ZNF280D: variants seen among roughly 807,000 people sequenced by gnomAD.
ZNF280D encodes suppressor of hairy wing homolog 4.
Under a neutral mutation model 94.7 loss-of-function variants are expected in ZNF280D, and 39 were observed. The observed-to-expected ratio is 0.41, with a 90% confidence interval of 0.32 to 0.54. The LOEUF is 0.54. ZNF280D is among the 20% of genes least tolerant of loss of function. The probability of loss-of-function intolerance (pLI) is 0.22; values close to 1 mark genes in which losing one functional copy is unlikely to be tolerated. For missense variants in ZNF280D, 1,090 were observed against 1,149.3 expected (o/e 0.95, Z 0.75); for synonymous variants, 398 against 377.6 (o/e 1.05, Z -0.63).
chr15:56,733,234 C>G (rs1378343548), intron 1 of ZNF280D, among the ~76,000 whole-genome samples: 1 of 152,082 alleles, frequency 6.6e-6, no homozygotes, highest in Non-Finnish European at 1.5e-5. Flanking sequence ...AGGCGGCTGC[C>G]GCGTCGCGCC....
At chr15:56,723,669 C>G (rs1436041465) in intron 1 of ZNF280D, among the ~76,000 whole-genome samples, 1 of 152,076 alleles carries the variant, frequency 6.6e-6, no homozygotes, top group African/African-American at 2.4e-5. Context: ...AATTCCCCAA[C>G]CCTATAGACT....
chr15:56,674,916 G>A (rs1296891003), intron 13 of ZNF280D, among the ~76,000 whole-genome samples: 3 of 151,906 alleles, frequency 2.0e-5, no homozygotes, highest in African/African-American at 4.8e-5. Flanking sequence ...ATGAGGCATG[G>A]AGTCAACTAT....
chr15:56,661,898 T>C (rs2053966692), intron 16 of ZNF280D, among the ~76,000 whole-genome samples: 1 of 152,176 alleles, frequency 6.6e-6, no homozygotes, highest in Non-Finnish European at 1.5e-5. Context: ...TTTCAAGAAA[T>C]GCAATCTGAG....
At chr15:56,711,780 A>G (rs960780096) in intron 1 of ZNF280D, among the ~76,000 whole-genome samples, 2 of 152,260 alleles carry the variant, frequency 1.3e-5, no homozygotes, top group African/African-American at 2.4e-5. Context: ...CAACAGGGAT[A>G]AGTTCTGACA....
chr15:56,724,890 T>C (rs769409043), intron 1 of ZNF280D: 24 of 454,628 alleles, frequency 5.3e-5, no homozygotes, highest in Non-Finnish European at 9.7e-5. Context: ...TTTTTTCTCA[T>C]GGAATGTAAG....
At chr15:56,715,599 C>T (rs1167384480) in intron 1 of ZNF280D, among the ~76,000 whole-genome samples, 1 of 151,810 alleles carries the variant, frequency 6.6e-6, no homozygotes, top group African/African-American at 2.4e-5. Context: ...GAGGCTTTAC[C>T]CAGTCTGTCC....
In ZNF280D at chr15:56,689,107, A is replaced by G. The variant is rs776256588; in HGVS notation, c.714T>C (p.Phe238=). 6.2e-7 allele frequency: 1 copy of G among 1,610,324 alleles called. No individual in the cohort carries two copies. The highest frequency in any genetic ancestry group is 1.1e-5 in the South Asian group (1 of 90,136). ...TGTTGCACTTTGGACAAGCTCTTGG[A>G]AAAGGTGTTCCATTTTTAGACTGAT... is the stretch of plus-strand genomic sequence containing the variant. ...SSNQSKNGTP[F]PRACPKCNIH... The change falls in exon 9 of 22, where the codon TTT becomes TTC. Residue 238 remains phenylalanine, a synonymous_variant. Coordinates refer to ENST00000267807, the MANE Select transcript of ZNF280D (RefSeq NM_017661.4).
At chr15:56,664,938 TA>T (rs2054187354) in intron 16 of ZNF280D, among the ~76,000 whole-genome samples, 1 of 152,070 alleles carries the variant, frequency 6.6e-6, no homozygotes, top group Non-Finnish European at 1.5e-5. Context: ...TGGGTGCTAC[TA>T]GGCTGGAAAA....
intron 7 of ZNF280D, among the ~76,000 whole-genome samples, chr15:56,689,777 CCA>C (rs778474727): frequency 2.1e-5 from 3 of 145,876 alleles, no homozygotes; most frequent in Admixed American, 6.8e-5. Context: ...ATATTCCAAG[CCA>C]AAAAAAAAAG....
chr15:56,645,985 C>T (rs557344312), intron 19 of ZNF280D, among the ~76,000 whole-genome samples: 1 of 152,186 alleles, frequency 6.6e-6, no homozygotes, highest in Admixed American at 6.5e-5. Flanking sequence ...AGCTAGGCCA[C>T]ATTCTTTCTT....
intron 16 of ZNF280D, among the ~76,000 whole-genome samples, chr15:56,661,353 T>A (rs1231576700): frequency 1.3e-5 from 2 of 152,156 alleles, no homozygotes; most frequent in Non-Finnish European, 2.9e-5. Flanking sequence ...GGAAAGGATT[T>A]TAGGCCAAAG....
At chr15:56,669,043 TG>T in intron 13 of ZNF280D, 86 bp from the exon 14 acceptor site, 1 of 1,263,956 alleles carries the variant, frequency 7.9e-7, no homozygotes, top group Non-Finnish European at 1.1e-6. Context: ...TTAATTTTAA[TG>T]ATACCTAAAT....
At chr15:56,659,487 C>T (rs1357248475) in intron 16 of ZNF280D, among the ~76,000 whole-genome samples, 3 of 151,794 alleles carry the variant, frequency 2.0e-5, no homozygotes, top group Non-Finnish European at 4.4e-5. Context: ...ATTTTTATTA[C>T]AGTATATTGT....
At chr15:56,715,103 TG>T (rs2057971109) in intron 1 of ZNF280D, among the ~76,000 whole-genome samples, 1 of 152,076 alleles carries the variant, frequency 6.6e-6, no homozygotes, top group Admixed American at 6.5e-5. Context: ...ACTCAATTTC[TG>T]GAAAGATAAG....
At chr15:56,637,301 T>G (rs1396967448) in intron 20 of ZNF280D, among the ~76,000 whole-genome samples, 1 of 151,830 alleles carries the variant, frequency 6.6e-6, no homozygotes, top group Non-Finnish European at 1.5e-5. Flanking sequence ...GTCTCCTGAG[T>G]AGCTAGGACT....
At chr15:56,717,970 T>C (rs1567034690) in intron 1 of ZNF280D, among the ~76,000 whole-genome samples, 1 of 152,118 alleles carries the variant, frequency 6.6e-6, no homozygotes, top group Admixed American at 6.6e-5. Flanking sequence ...AAGAAAAATA[T>C]GAAAAATTTA....
chr15:56,657,214 T>C (rs2053606556), intron 17 of ZNF280D, among the ~76,000 whole-genome samples: 1 of 152,146 alleles, frequency 6.6e-6, no homozygotes, highest in South Asian at 2.1e-4. Context: ...TCTAAGTGTG[T>C]GGTATAACCA....
intron 1 of ZNF280D, among the ~76,000 whole-genome samples, chr15:56,718,850 A>C (rs1326988119): frequency 2.0e-5 from 3 of 152,134 alleles, no homozygotes; most frequent in African/African-American, 7.2e-5. Flanking sequence ...GCCAAATCAA[A>C]TTACCTTTTC....
At chr15:56,643,443 A>C (rs1427247328) in intron 19 of ZNF280D, among the ~76,000 whole-genome samples, 2 of 151,688 alleles carry the variant, frequency 1.3e-5, no homozygotes, top group African/African-American at 4.8e-5. Context: ...TGTGAAATTC[A>C]ACTAAATATA....
Sources: allele counts gnomAD v4.1 joint callset (sites outside exome capture counted in the v4.1 genomes callset), GRCh38; gene constraint gnomAD v4.1.1; transcripts MANE v1.5; gene names NCBI Gene and HGNC (gene_info 2026-07-23, HGNC 2026-07-21).